Variants in UBE2D3 observed in about 807,000 individuals in gnomAD.
UBE2D3 encodes ubiquitin conjugating enzyme E2 D3, also known as ubiquitin-conjugating enzyme E2 D3.
A neutral mutation model predicts 22.8 loss-of-function variants in UBE2D3; 2 were observed. The observed-to-expected ratio is 0.09, with a 90% confidence interval of 0.04 to 0.28. The LOEUF is 0.28. Ranked by LOEUF, UBE2D3 falls within the 10% of genes least tolerant of loss-of-function variation. The pLI, the probability that UBE2D3 is intolerant of heterozygous loss-of-function variation, is 1.00. For missense variants in UBE2D3, 27 were observed against 182.5 expected (o/e 0.15, Z 4.91); for synonymous variants, 56 against 60.4 (o/e 0.93, Z 0.34).
intron 1 of UBE2D3, among the ~76,000 whole-genome samples, chr4:102,861,009 A>G (rs1010691443): frequency 3.3e-5 from 5 of 151,894 alleles, no homozygotes; most frequent in African/African-American, 1.2e-4. Context: ...CCCTTCTCCT[A>G]GATATTCCTA....
intron 1 of UBE2D3, among the ~76,000 whole-genome samples, chr4:102,847,823 T>G (rs1261195561): frequency 6.6e-6 from 1 of 151,814 alleles, no homozygotes; most frequent in African/African-American, 2.4e-5. Flanking sequence ...AAAAAAAAAT[T>G]TTTTTAGAGA....
At chr4:102,863,994 G>C (rs1733027735) in intron 1 of UBE2D3, among the ~76,000 whole-genome samples, 2 of 151,956 alleles carry the variant, frequency 1.3e-5, no homozygotes, top group South Asian at 2.1e-4. Flanking sequence ...AAAAAAACAA[G>C]GTGCAGCTAA....
rs1372885109 is a variant in UBE2D3 at position 102,795,821 on chromosome 4, G to T, written c.*1594C>A. The stretch of plus-strand genomic sequence containing the variant: ...AAGTGGAGGAGTCACAGATGTGCTA[G>T]AACTTTAAGAAATAAAGCAGTGAAC... On this transcript the variant is annotated 3_prime_UTR_variant, in exon 8 of 8. Transcript: ENST00000453744. 2 of 152,154 alleles carry T rather than the reference G, an allele frequency of 1.3e-5. No individual in the cohort carries two copies. Among genetic ancestry groups the T allele is most frequent in the African/African-American group, 4.8e-5 (2 of 41,416 alleles). The allele number at this position is 152,154 out of a possible 1,614,324, so 9.4% of individuals were successfully genotyped here. A position where few individuals can be genotyped will look rare whatever the true frequency, so the allele number is the denominator to read the frequency against.
At chr4:102,805,012 TTC>T (rs1166324208) in intron 4 of UBE2D3, among the ~76,000 whole-genome samples, 1 of 152,156 alleles carries the variant, frequency 6.6e-6, no homozygotes, top group African/African-American at 2.4e-5. Context: ...AATAACCTAA[TTC>T]CAGAAGTTCT....
chr4:102,829,656 A>T (rs1397316579), upstream of UBE2D3, among the ~76,000 whole-genome samples: 1 of 152,212 alleles, frequency 6.6e-6, no homozygotes, highest in African/African-American at 2.4e-5. Flanking sequence ...AAACAAATGT[A>T]TAGTAGTAAT....
intron 4 of UBE2D3, among the ~76,000 whole-genome samples, chr4:102,806,528 TTATGGACCAAATAAAATAGTACC>T (rs927037826): frequency 2.0e-5 from 3 of 152,186 alleles, no homozygotes; most frequent in African/African-American, 7.2e-5. Flanking sequence ...AAAATAATCC[TTATGGACCAAATAAAATAGTACC>T]TATGGACCAA....
intron 1 of UBE2D3, among the ~76,000 whole-genome samples, chr4:102,858,767 T>G (rs770952469): frequency 9.9e-5 from 15 of 151,958 alleles, no homozygotes; most frequent in Non-Finnish European, 1.9e-4. Flanking sequence ...TCATTTATGA[T>G]AATAACAACT....
upstream of UBE2D3, chr4:102,828,291 G>C: frequency 1.0e-6 from 1 of 983,912 alleles, no homozygotes; most frequent in Non-Finnish European, 1.2e-6. Flanking sequence ...AGCTCGGGCC[G>C]GGATTTTGAG....
chr4:102,854,427 C>T (rs933606176), intron 1 of UBE2D3, among the ~76,000 whole-genome samples: 10 of 152,070 alleles, frequency 6.6e-5, no homozygotes, highest in Admixed American at 2.0e-4. Flanking sequence ...CTCTGTGATA[C>T]TGGATTTGTC....
intron 4 of UBE2D3, among the ~76,000 whole-genome samples, chr4:102,805,125 G>A (rs1726822374): frequency 6.6e-6 from 1 of 152,124 alleles, no homozygotes; most frequent in African/African-American, 2.4e-5. Flanking sequence ...GCCAAATTTC[G>A]TTTCGTTTGT....
intron 1 of UBE2D3, among the ~76,000 whole-genome samples, chr4:102,833,674 C>G (rs1280918565): frequency 6.6e-6 from 1 of 152,136 alleles, no homozygotes; most frequent in African/African-American, 2.4e-5. Flanking sequence ...GCAGGTAGAA[C>G]AGATAAATTA....
At chr4:102,834,072 G>A (rs1263635010) in intron 1 of UBE2D3, among the ~76,000 whole-genome samples, 3 of 152,184 alleles carry the variant, frequency 2.0e-5, no homozygotes, top group Non-Finnish European at 2.9e-5. Flanking sequence ...GTCACTGTAT[G>A]TTTTGGGTTA....
upstream of UBE2D3, among the ~76,000 whole-genome samples, chr4:102,829,675 C>T (rs1731005175): frequency 6.6e-6 from 1 of 152,146 alleles, no homozygotes; most frequent in Admixed American, 6.5e-5. Context: ...ATAGTGGCCA[C>T]GCCTGTAATC....
At chr4:102,806,049 GCTTA>G (rs952872373) in intron 4 of UBE2D3, among the ~76,000 whole-genome samples, 50 of 152,252 alleles carry the variant, frequency 3.3e-4, no homozygotes, top group African/African-American at 1.2e-3. Context: ...TATGGCAATA[GCTTA>G]CTAATGATTA....
At chr4:102,829,250 C>T (rs758195257), upstream of UBE2D3, among the ~76,000 whole-genome samples, 5 of 152,158 alleles carry the variant, frequency 3.3e-5, no homozygotes. Context: ...GTCTGAACCA[C>T]CCCGTGAGTA....
At chr4:102,837,816 G>A (rs1052894653) in intron 1 of UBE2D3, among the ~76,000 whole-genome samples, 3 of 152,198 alleles carry the variant, frequency 2.0e-5, no homozygotes, top group Admixed American at 2.0e-4. Flanking sequence ...GCCAGGCGTG[G>A]TGGCAGGCAC....
chr4:102,834,766 C>G, intron 1 of UBE2D3, among the ~76,000 whole-genome samples: 1 of 150,892 alleles, frequency 6.6e-6, no homozygotes, highest in African/African-American at 2.4e-5. Context: ...AAAAAAGATT[C>G]AACTTTTTTT....
At chr4:102,842,091 C>T (rs569525976) in intron 1 of UBE2D3, among the ~76,000 whole-genome samples, 7 of 152,188 alleles carry the variant, frequency 4.6e-5, no homozygotes, top group African/African-American at 1.4e-4. Context: ...TATGCCTTTG[C>T]TTTTAGCAGT....
upstream of UBE2D3, among the ~76,000 whole-genome samples, chr4:102,830,639 C>T (rs971068186): frequency 1.3e-5 from 2 of 152,080 alleles, no homozygotes; most frequent in Non-Finnish European, 2.9e-5. Context: ...CAAGGTGGAA[C>T]GATCACTTGA....
Sources: gnomAD v4.1 joint callset for allele counts (sites outside exome capture counted in the v4.1 genomes callset) on GRCh38, gnomAD v4.1.1 for gene constraint, MANE v1.5 for transcripts, NCBI Gene and HGNC (gene_info 2026-07-23, HGNC 2026-07-21) for gene names.